The following CHRM3 variants were observed in gnomAD, a reference collection of about 807,000 sequenced individuals.
CHRM3 encodes cholinergic receptor muscarinic 3, also known as muscarinic acetylcholine receptor M3.
A neutral mutation model predicts 41.8 loss-of-function variants in CHRM3; 11 were observed. The observed-to-expected ratio is 0.26, with a 90% CI of 0.17 to 0.44. CHRM3 has a LOEUF of 0.44. Among genes scored for constraint, CHRM3 ranks in the 20% least tolerant of loss-of-function variants. The pLI, the probability that CHRM3 is intolerant of heterozygous loss-of-function variation, is 1.00. For synonymous variants in CHRM3, 297 were observed against 301.4 expected (o/e 0.99, Z 0.15); for missense variants, 571 against 745.4 (o/e 0.77, Z 2.72).
intron 1 of CHRM3, among the ~76,000 whole-genome samples, chr1:239,410,411 C>T (rs1660974532): frequency 6.6e-6 from 1 of 152,080 alleles, no homozygotes; most frequent in Non-Finnish European, 1.5e-5. Context: ...TAGAATGTGG[C>T]CGCCTAGAGA....
At chr1:239,890,076 A>G (rs1287028726) in intron 6 of CHRM3, among the ~76,000 whole-genome samples, 2 of 152,130 alleles carry the variant, frequency 1.3e-5, no homozygotes, top group African/African-American at 4.8e-5. Context: ...GCACTTTGGG[A>G]GGCCAAGGAG....
intron 5 of CHRM3, among the ~76,000 whole-genome samples, chr1:239,824,652 A>C (rs1429368933): frequency 6.6e-6 from 1 of 152,234 alleles, no homozygotes; most frequent in African/African-American, 2.4e-5. Context: ...ACTGACCAAA[A>C]GTCAGCCTTG....
intron 5 of CHRM3, among the ~76,000 whole-genome samples, chr1:239,781,927 C>T (rs548493463): frequency 1.3e-5 from 2 of 151,966 alleles, no homozygotes; most frequent in African/African-American, 4.8e-5. Flanking sequence ...AATGAATTTT[C>T]AAATGTTGAA....
chr1:239,777,413 T>C (rs776288035), intron 5 of CHRM3, among the ~76,000 whole-genome samples: 1 of 152,198 alleles, frequency 6.6e-6, no homozygotes, highest in Non-Finnish European at 1.5e-5. Context: ...GCTTAATAAC[T>C]ATAAAAATGA....
At chr1:239,407,417 T>TAGAGAGAGAGAG (rs67319486) in intron 1 of CHRM3, among the ~76,000 whole-genome samples, 8 of 134,190 alleles carry the variant, frequency 6.0e-5, no homozygotes, top group Non-Finnish European at 8.5e-5. Context: ...TATATATATA[T>TAGAGAGAGAGAG]AGAGAGAGAG....
intron 1 of CHRM3, among the ~76,000 whole-genome samples, chr1:239,431,084 G>A (rs1662800960): frequency 6.6e-6 from 1 of 152,020 alleles, no homozygotes; most frequent in South Asian, 2.1e-4. Flanking sequence ...TGAGTGGAAA[G>A]GACATTCAAA....
In CHRM3 at chr1:239,772,450, CT is replaced by C. The variant is rs533703279; in HGVS notation, c.-146-54801del. Among the ~76,000 whole-genome samples the C allele has an allele frequency of 1.8e-4, 28 of 152,232 alleles. No individual in the cohort carries two copies. The South Asian group carries it at 5.4e-3, about 29-fold the overall frequency. On this transcript the variant is annotated intron_variant, in intron 5 of 6. Transcript: ENST00000676153. ...ACAGGCATGAGCCACCATGCCCAGC[CT>C]ATACTTCCTTGTTATTTAAATTTTT...
intron 3 of CHRM3, among the ~76,000 whole-genome samples, chr1:239,562,175 G>C (rs935906628): frequency 2.6e-5 from 4 of 152,160 alleles, no homozygotes; most frequent in Non-Finnish European, 1.5e-5. Context: ...TGATCAGTCC[G>C]TGCAGGCCAT....
intron 1 of CHRM3, among the ~76,000 whole-genome samples, chr1:239,408,684 CT>C (rs1484820484): frequency 6.6e-6 from 1 of 152,078 alleles, no homozygotes; most frequent in Non-Finnish European, 1.5e-5. Context: ...TCTCAATCTG[CT>C]GCCCAGGCTG....
intron 3 of CHRM3, among the ~76,000 whole-genome samples, chr1:239,605,552 A>G (rs749076615): frequency 2.0e-5 from 3 of 152,208 alleles, no homozygotes. Context: ...TAAAAGAATC[A>G]TGATCATAAT....
intron 6 of CHRM3, among the ~76,000 whole-genome samples, chr1:239,874,293 A>ATATATATATAATCTATATACACAG: frequency 1.5e-5 from 1 of 67,070 alleles, no homozygotes; most frequent in Admixed American, 1.6e-4. Flanking sequence ...CAGTATATAT[A>ATATATATATAATCTATATACACAG]TATATATATA....
intron 1 of CHRM3, among the ~76,000 whole-genome samples, chr1:239,405,773 A>G (rs1223014951): frequency 6.6e-6 from 1 of 152,224 alleles, no homozygotes; most frequent in African/African-American, 2.4e-5. Context: ...TATGAGTGAC[A>G]GAAGTTGCTG....
At chr1:239,846,805 T>C (rs984976725) in intron 6 of CHRM3, among the ~76,000 whole-genome samples, 20 of 152,340 alleles carry the variant, frequency 1.3e-4, no homozygotes, top group African/African-American at 4.8e-4. Flanking sequence ...TGACTATAAA[T>C]GGTGAATTCC....
intron 6 of CHRM3, among the ~76,000 whole-genome samples, chr1:239,880,475 C>A (rs1158321591): frequency 6.6e-6 from 1 of 152,174 alleles, no homozygotes; most frequent in Non-Finnish European, 1.5e-5. Context: ...TTTGGCCATG[C>A]AACTTTAGCT....
intron 3 of CHRM3, among the ~76,000 whole-genome samples, chr1:239,620,795 ACTCT>A (rs1212508978): frequency 6.6e-6 from 1 of 152,062 alleles, no homozygotes; most frequent in East Asian, 1.9e-4. Flanking sequence ...AGGTGGATTC[ACTCT>A]CTCTTACAAA....
At chr1:239,500,898 G>C (rs906857610) in intron 2 of CHRM3, among the ~76,000 whole-genome samples, 3 of 151,882 alleles carry the variant, frequency 2.0e-5, no homozygotes, top group Non-Finnish European at 2.9e-5. Context: ...TAACACATAA[G>C]GACTAACAGA....
intron 1 of CHRM3, among the ~76,000 whole-genome samples, chr1:239,394,367 C>T (rs1475916103): frequency 1.3e-5 from 2 of 152,168 alleles, no homozygotes; most frequent in African/African-American, 4.8e-5. Flanking sequence ...CCTCCTCCAC[C>T]TCTTTCACTG....
chr1:239,847,967 G>T (rs957331712), intron 6 of CHRM3, among the ~76,000 whole-genome samples: 1 of 150,702 alleles, frequency 6.6e-6, no homozygotes, highest in Non-Finnish European at 1.5e-5. Context: ...GAGGGGAGGG[G>T]AGAGAAAAGA....
chr1:239,408,447 C>A (rs1462888648), intron 1 of CHRM3, among the ~76,000 whole-genome samples: 2 of 147,602 alleles, frequency 1.4e-5, no homozygotes, highest in East Asian at 4.2e-4. Flanking sequence ...TAGCGTGAAC[C>A]CGGGAGGCGG....
Sources: allele counts gnomAD v4.1 joint callset (sites outside exome capture counted in the v4.1 genomes callset), GRCh38; gene constraint gnomAD v4.1.1; transcripts MANE v1.5; gene names NCBI Gene and HGNC (gene_info 2026-07-23, HGNC 2026-07-21).